The following NOTCH2NLC variants were observed in gnomAD, a reference collection of about 807,000 sequenced individuals.
The protein encoded by NOTCH2NLC is notch homolog 2 N-terminal-like protein C.
A neutral mutation model predicts 17.7 loss-of-function variants in NOTCH2NLC; 4 were observed. That is an observed-to-expected ratio of 0.23 (90% confidence interval 0.11 to 0.52). The LOEUF (loss-of-function observed/expected upper bound fraction) is 0.52, where lower values mean the gene tolerates loss of function less well. Ranked by LOEUF, NOTCH2NLC falls within the 20% of genes least tolerant of loss-of-function variation. The pLI, the probability that NOTCH2NLC is intolerant of heterozygous loss-of-function variation, is 0.96. For missense variants in NOTCH2NLC, 57 were observed against 207.2 expected, an observed-to-expected ratio of 0.28 and a Z score of 4.45; for synonymous variants, 18 against 86.0, an observed-to-expected ratio of 0.21 and a Z score of 4.38.
intron 2 of NOTCH2NLC, among the ~76,000 whole-genome samples, chr1:149,446,635 T>A (rs1431485535): frequency 2.7e-5 from 4 of 147,134 alleles, no homozygotes; most frequent in Non-Finnish European, 6.0e-5. Flanking sequence ...TGTGCCCAGC[T>A]GAGACTTTTA....
intron 1 of NOTCH2NLC, among the ~76,000 whole-genome samples, chr1:149,401,112 T>G: frequency 6.7e-6 from 1 of 149,744 alleles, no homozygotes; most frequent in South Asian, 2.1e-4. Flanking sequence ...TCAATGTTGT[T>G]GCTAAAGAAT....
Position 149,470,056 on chromosome 1 carries a change from G to A in NOTCH2NLC, c.*5903G>A, listed in dbSNP as rs1293465314. Reference sequence around the variant, plus strand: ...ACATGGGAACTTTTGACCTAAGTTTGTATTTTACATTGTTGAAAGGGAACT... The same window carrying A: ...ACATGGGAACTTTTGACCTAAGTTTATATTTTACATTGTTGAAAGGGAACT... On this transcript the variant is annotated 3_prime_UTR_variant, in exon 5 of 5. Coordinates refer to ENST00000650865, the MANE Select transcript of NOTCH2NLC (RefSeq NM_001364013.2). Among the ~76,000 whole-genome samples the A allele has an allele frequency of 6.6e-6, 1 of 152,036 alleles. No individual in the cohort carries two copies. The highest frequency in any genetic ancestry group is 2.4e-5 in the African/African-American group (1 of 41,548).
In NOTCH2NLC at chr1:149,390,640, TGAGGCGGCGGCC is replaced by T. The variant is rs2084151833; in HGVS notation, c.-143_-132del. On this transcript the variant is annotated 5_prime_UTR_variant, in exon 1 of 5. Transcript: ENST00000650865. Reference sequence around the variant, plus strand: ...TTTCAGCCAAACTTCGGGCGGCGGCTGAGGCGGCGGCCGAGGAGCGGCGGACTCGGGGCGCGG... The same window carrying T: ...TTTCAGCCAAACTTCGGGCGGCGGCTGAGGAGCGGCGGACTCGGGGCGCGG... 6.0e-6 allele frequency: 7 copies of T among 1,164,340 alleles called. No individual in the cohort carries two copies. The South Asian group carries it at 1.4e-4, about 23-fold the overall frequency. The allele number at this position is 1,164,340 out of a possible 1,614,324, so 72.1% of individuals were successfully genotyped here.
At chr1:149,429,771 A>G (rs1361756147) in intron 1 of NOTCH2NLC, among the ~76,000 whole-genome samples, 1 of 150,926 alleles carries the variant, frequency 6.6e-6, no homozygotes, top group African/African-American at 2.4e-5. Context: ...GGCCAGGCCT[A>G]GCGTCTCTGA....
At chr1:149,449,345 G>A (rs1263115010) in intron 2 of NOTCH2NLC, among the ~76,000 whole-genome samples, 5 of 148,714 alleles carry the variant, frequency 3.4e-5, no homozygotes, top group African/African-American at 9.9e-5. Context: ...CAGTTACTTC[G>A]GGTATATACC....
chr1:149,413,276 C>T (rs1200221032), intron 1 of NOTCH2NLC, among the ~76,000 whole-genome samples: 9 of 150,990 alleles, frequency 6.0e-5, no homozygotes, highest in Admixed American at 1.3e-4. Flanking sequence ...CTTAGAAGTG[C>T]ACCTGGAAAT....
Position 149,390,802 on chromosome 1 carries a change from A to AGGCGGCGGC in NOTCH2NLC, c.36_44dup (p.Gly16_Gly18dup), listed in dbSNP as rs1179469287. The AGGCGGCGGC allele has an allele frequency of 0.047, 44,002 of 946,048 alleles. 6,462 individuals carry two copies. Among genetic ancestry groups the AGGCGGCGGC allele is most frequent in the Non-Finnish European group, 0.049 (36,698 of 745,506 alleles). The allele number at this position is 946,048 out of a possible 1,614,324, so 58.6% of individuals were successfully genotyped here. A position where few individuals can be genotyped will look rare whatever the true frequency, so the allele number is the denominator to read the frequency against. ...ACCCCCTCCCCATGTGGATCTGCCC[A>AGGCGGCGGC]GGCGGCGGCGGCGGCGGCGGCGGCG... On this transcript the variant is annotated inframe_insertion, in exon 1 of 5. Transcript: ENST00000650865.
In NOTCH2NLC at chr1:149,413,231, G is replaced by GGTC. The variant is rs1440025371; in HGVS notation, c.136-17710_136-17708dup. ...CCAGATGTCTGACTTTTTAGCCCTTGGTCCATTGCTTTATTCTTCACACCA... is the reference window on the plus strand; with the variant it reads ...CCAGATGTCTGACTTTTTAGCCCTTGGTCGTCCATTGCTTTATTCTTCACACCA... On this transcript the variant is annotated intron_variant, in intron 1 of 4. Transcript: ENST00000650865. Among the ~76,000 whole-genome samples the GGTC allele has an allele frequency of 1.9e-4, 29 of 150,804 alleles. No individual in the cohort carries two copies. In the South Asian group the frequency reaches 6.1e-3, roughly 32 times the overall value.
intron 1 of NOTCH2NLC, among the ~76,000 whole-genome samples, chr1:149,418,883 A>G (rs2084360721): frequency 6.7e-6 from 1 of 150,000 alleles, no homozygotes; most frequent in African/African-American, 2.4e-5. Context: ...AACAAAGCAG[A>G]TGAAATGGAA....
In NOTCH2NLC at chr1:149,464,877, GATATGGTTCAC is replaced by G. The variant is rs2084676009; in HGVS notation, c.*729_*739del. The G allele has an allele frequency of 4.7e-5, 7 of 149,750 alleles. No homozygotes were observed. 9.3% of individuals were successfully genotyped at this position (149,750 alleles called of 1,614,324 possible). ...GGGAATCTTAGATTCTGGTATTGTG[GATATGGTTCAC>G]ATATAATGGGATTGTGTGTTTTATT... is the stretch of plus-strand genomic sequence containing the variant. On this transcript the variant is annotated 3_prime_UTR_variant, in exon 5 of 5. Transcript: ENST00000650865.
chr1:149,446,733 CT>C (rs1250881720), intron 2 of NOTCH2NLC, among the ~76,000 whole-genome samples: 1 of 83,852 alleles, frequency 1.2e-5, no homozygotes, highest in African/African-American at 5.3e-5. Context: ...CTCCCCAAAC[CT>C]TTCTCTGTAT....
In NOTCH2NLC at chr1:149,433,449, TA is replaced by T. The variant is rs1436347001; in HGVS notation, c.209+2441del. On this transcript the variant is annotated intron_variant, in intron 2 of 4. Transcript: ENST00000650865. ...TATCCCAAAACTTAAAAGCAAAATT[TA>T]AAAAAAGTTTATTTACTTCACATAG... 4.0e-5 allele frequency among the ~76,000 whole-genome samples: 6 copies of T among 150,806 alleles called. No individual in the cohort carries two copies. The South Asian group carries it at 6.3e-4, about 16-fold the overall frequency.
chr1:149,393,789 C>T (rs1388520697), intron 1 of NOTCH2NLC, among the ~76,000 whole-genome samples: 1 of 117,262 alleles, frequency 8.5e-6, no homozygotes, highest in African/African-American at 3.3e-5. Flanking sequence ...GAGAGTGATT[C>T]CTAGTCTCTC....
chr1:149,400,130 ATAATATATATT>A, intron 1 of NOTCH2NLC, among the ~76,000 whole-genome samples: 2 of 141,334 alleles, frequency 1.4e-5, no homozygotes, highest in African/African-American at 5.2e-5. Flanking sequence ...ATATATATAT[ATAATATATATT>A]TTTTTTTTAG....
chr1:149,421,485 C>G (rs1381866181), intron 1 of NOTCH2NLC, among the ~76,000 whole-genome samples: 1 of 122,238 alleles, frequency 8.2e-6, no homozygotes, highest in African/African-American at 3.3e-5. Flanking sequence ...GGTGACAGAG[C>G]GAGACTCCAT....
intron 1 of NOTCH2NLC, among the ~76,000 whole-genome samples, chr1:149,424,794 A>G (rs1233991019): frequency 1.3e-5 from 2 of 151,298 alleles, no homozygotes; most frequent in Admixed American, 6.6e-5. Context: ...AAAAACTTTC[A>G]TGGCTGAAGG....
chr1:149,464,675 T>C lies in NOTCH2NLC; in HGVS notation c.*522T>C, dbSNP rs2084674427. ...TGAGGAGGCTGAAAACCAAGAATTT[T>C]GATTGGGAACAGAATACAAGCAGCT... On this transcript the variant is annotated 3_prime_UTR_variant, in exon 5 of 5. Coordinates refer to ENST00000650865, the MANE Select transcript of NOTCH2NLC (RefSeq NM_001364013.2). The C allele has an allele frequency of 6.7e-6, 1 of 149,702 alleles. No homozygotes were observed. Among genetic ancestry groups the C allele is most frequent in the Non-Finnish European group, 1.5e-5 (1 of 67,390 alleles). 9.3% of individuals were successfully genotyped at this position (149,702 alleles called of 1,614,324 possible). A position where few individuals can be genotyped will look rare whatever the true frequency, so the allele number is the denominator to read the frequency against.
chr1:149,414,444 C>T (rs1409801189), intron 1 of NOTCH2NLC, among the ~76,000 whole-genome samples: 1 of 150,236 alleles, frequency 6.7e-6, no homozygotes, highest in African/African-American at 2.4e-5. Flanking sequence ...TTCTGGCATA[C>T]TGTATACTCT....
intron 3 of NOTCH2NLC, among the ~76,000 whole-genome samples, chr1:149,461,204 G>A (rs1197217208): frequency 6.7e-6 from 1 of 149,652 alleles, no homozygotes. Context: ...CAAAGTGCTG[G>A]GATTACAGGC....
Sources: allele counts gnomAD v4.1 joint callset (sites outside exome capture counted in the v4.1 genomes callset), GRCh38; gene constraint gnomAD v4.1.1; transcripts MANE v1.5; gene names NCBI Gene and HGNC (gene_info 2026-07-23, HGNC 2026-07-21).